The following NEK11 variants were observed in gnomAD, a reference collection of about 807,000 sequenced individuals.
NEK11 encodes NIMA related kinase 11, also known as serine/threonine-protein kinase Nek11.
A neutral mutation model predicts 80.7 loss-of-function variants in NEK11; 72 were observed. The observed-to-expected ratio is 0.89, with a 90% CI of 0.74 to 1.08. The LOEUF (loss-of-function observed/expected upper bound fraction) is 1.08, where lower values mean the gene tolerates loss of function less well. Ranked by LOEUF, NEK11 falls within the 50% of genes least tolerant of loss-of-function variation. The pLI is 0.00. For missense variants in NEK11, 764 were observed against 763.6 expected (o/e 1.00, Z -0.01); for synonymous variants, 251 against 260.7 (o/e 0.96, Z 0.36).
intron 5 of NEK11, among the ~76,000 whole-genome samples, chr3:131,122,084 G>T (rs766452371): frequency 9.2e-5 from 14 of 152,204 alleles, no homozygotes; most frequent in Admixed American, 2.0e-4. Context: ...GCTGTAGACT[G>T]GAACTGTTCC....
chr3:131,193,022 T>A (rs1406974031), intron 14 of NEK11, among the ~76,000 whole-genome samples: 1 of 152,202 alleles, frequency 6.6e-6, no homozygotes, highest in Non-Finnish European at 1.5e-5. Context: ...TACATGGTTA[T>A]ATCTATAGAT....
intron 5 of NEK11, among the ~76,000 whole-genome samples, chr3:131,129,225 T>C (rs1451654165): frequency 6.6e-6 from 1 of 152,018 alleles, no homozygotes; most frequent in Non-Finnish European, 1.5e-5. Flanking sequence ...TAATTTTATT[T>C]TTGTATTTTT....
At chr3:131,332,985 G>A (rs1292458100) in intron 17 of NEK11, among the ~76,000 whole-genome samples, 3 of 151,846 alleles carry the variant, frequency 2.0e-5, no homozygotes, top group Non-Finnish European at 2.9e-5. Context: ...CCAAATCTAC[G>A]TCTGATTGGT....
At position 131,207,498 on chromosome 3, in the gene NEK11, G is replaced by A. The variant is rs1370322357; in HGVS notation, c.1400-21030G>A. On this transcript the variant is annotated intron_variant, in intron 14 of 17. Coordinates refer to ENST00000383366, the MANE Select transcript of NEK11 (RefSeq NM_024800.5). ...CTCGGGAGGCTGAGGCAGGAGAATG[G>A]CATGAACCCAGGAGGCTGAGCTTGC... Among the ~76,000 whole-genome samples the A allele has an allele frequency of 2.6e-5, 4 of 152,084 alleles. No individual in the cohort carries two copies. The East Asian group carries it at 7.7e-4, about 29-fold the overall frequency.
chr3:131,256,009 T>C (rs1180405118), intron 16 of NEK11, among the ~76,000 whole-genome samples: 1 of 152,162 alleles, frequency 6.6e-6, no homozygotes, highest in Non-Finnish European at 1.5e-5. Flanking sequence ...TCATAAATCA[T>C]TCTTTGCTTA....
At chr3:131,076,086 A>G (rs566446682) in intron 3 of NEK11, among the ~76,000 whole-genome samples, 1 of 152,334 alleles carries the variant, frequency 6.6e-6, no homozygotes, top group East Asian at 1.9e-4. Flanking sequence ...AACCTAGGTC[A>G]CACATCAGCA....
At chr3:131,242,225 T>C (rs1055157410) in intron 15 of NEK11, among the ~76,000 whole-genome samples, 11 of 152,176 alleles carry the variant, frequency 7.2e-5, no homozygotes, top group Non-Finnish European at 1.3e-4. Flanking sequence ...TCTTACAAGA[T>C]ATTCCTCATG....
intron 14 of NEK11, among the ~76,000 whole-genome samples, chr3:131,192,335 G>A (rs1174011236): frequency 2.0e-5 from 3 of 152,148 alleles, no homozygotes; most frequent in Non-Finnish European, 4.4e-5. Context: ...CACTGCTGGT[G>A]GGAATGTTAA....
intron 14 of NEK11, among the ~76,000 whole-genome samples, chr3:131,211,396 T>C (rs1329656879): frequency 6.6e-6 from 1 of 152,212 alleles, no homozygotes; most frequent in African/African-American, 2.4e-5. Flanking sequence ...TGGCTGCCCT[T>C]AACATTTTTT....
intron 3 of NEK11, among the ~76,000 whole-genome samples, chr3:131,077,545 C>T (rs556797845): frequency 6.6e-6 from 1 of 152,306 alleles, no homozygotes; most frequent in Non-Finnish European, 1.5e-5. Flanking sequence ...TGCTCATGCT[C>T]TGCTGCACAA....
chr3:131,112,057 A>G (rs543962467), intron 5 of NEK11, among the ~76,000 whole-genome samples: 123 of 152,328 alleles, frequency 8.1e-4, no homozygotes, highest in African/African-American at 2.5e-3. Flanking sequence ...ACAAATAGCT[A>G]TGACCCAGTA....
At chr3:131,239,383 A>G (rs1300284386) in intron 15 of NEK11, among the ~76,000 whole-genome samples, 2 of 152,150 alleles carry the variant, frequency 1.3e-5, no homozygotes, top group African/African-American at 4.8e-5. Context: ...TACTCTATAT[A>G]TACCTTTATA....
At chr3:131,150,091 T>G (rs1456192565) in intron 7 of NEK11, among the ~76,000 whole-genome samples, 2 of 152,074 alleles carry the variant, frequency 1.3e-5, no homozygotes, top group African/African-American at 4.8e-5. Flanking sequence ...GATGTGTATT[T>G]CTTAGTTTTC....
intron 15 of NEK11, among the ~76,000 whole-genome samples, chr3:131,239,909 C>G (rs2095495201): frequency 6.6e-6 from 1 of 152,108 alleles, no homozygotes; most frequent in African/African-American, 2.4e-5. Flanking sequence ...TATCATTTTA[C>G]AGATATCATT....
intron 17 of NEK11, among the ~76,000 whole-genome samples, chr3:131,306,654 G>T (rs1378477951): frequency 6.6e-6 from 1 of 152,200 alleles, no homozygotes; most frequent in Admixed American, 6.5e-5. Flanking sequence ...TCTCCTAAGA[G>T]CAAGGCTTGC....
At chr3:131,172,810 A>AT (rs1349388906) in intron 14 of NEK11, among the ~76,000 whole-genome samples, 3 of 152,236 alleles carry the variant, frequency 2.0e-5, no homozygotes, top group Non-Finnish European at 2.9e-5. Context: ...CCAGCACAAG[A>AT]TACAGGTCAC....
intron 14 of NEK11, among the ~76,000 whole-genome samples, chr3:131,200,889 A>G (rs2094201489): frequency 6.6e-6 from 1 of 152,134 alleles, no homozygotes; most frequent in African/African-American, 2.4e-5. Flanking sequence ...CCTAGACCGA[A>G]CCCCTGGTGT....
At chr3:131,316,446 A>G (rs1257088441) in intron 17 of NEK11, among the ~76,000 whole-genome samples, 1 of 152,230 alleles carries the variant, frequency 6.6e-6, no homozygotes, top group Admixed American at 6.5e-5. Context: ...CATCCTAGGC[A>G]TGACACAGAA....
chr3:131,133,942 A>G lies in NEK11; in HGVS notation c.633A>G (p.Thr211=). The G allele has an allele frequency of 6.2e-7, 1 of 1,609,706 alleles. No homozygotes were observed. The highest frequency in any genetic ancestry group is 8.5e-7 in the Non-Finnish European group (1 of 1,177,640). Residue 211 remains threonine, a synonymous_variant, in exon 7 of 18, where the codon ACA becomes ACG. Coordinates refer to ENST00000383366, the MANE Select transcript of NEK11 (RefSeq NM_024800.5). Reference sequence around the variant, plus strand: ...CTCTGAAACACCAAGGCTATGACACAAAGTCGGACATCTGGTGAGTGGGCT... The same window carrying G: ...CTCTGAAACACCAAGGCTATGACACGAAGTCGGACATCTGGTGAGTGGGCT... ...PEALKHQGYD[T]KSDIWSLACI... is the part of the protein sequence containing the mutation.
Sources: gnomAD v4.1 joint callset for allele counts (sites outside exome capture counted in the v4.1 genomes callset) on GRCh38, gnomAD v4.1.1 for gene constraint, MANE v1.5 for transcripts, NCBI Gene and HGNC (gene_info 2026-07-23, HGNC 2026-07-21) for gene names.